Variants in F8 observed in about 807,000 individuals in gnomAD.
F8 encodes antihemophilic factor.
In F8, 12 loss-of-function variants were observed where a neutral mutation model predicts 140.6. The ratio of observed to expected loss-of-function variants is 0.09; its 90% CI spans 0.05 to 0.14. The LOEUF (loss-of-function observed/expected upper bound fraction) is 0.14, where lower values mean the gene tolerates loss of function less well. Ranked by LOEUF, F8 falls within the 10% of genes least tolerant of loss-of-function variation. The pLI is 1.00. For synonymous variants in F8, 585 were observed against 614.6 expected, an observed-to-expected ratio of 0.95 and a Z score of 0.71; for missense variants, 1,354 against 1,720.7, an observed-to-expected ratio of 0.79 and a Z score of 3.77.
At chrX:154,972,025 C>A (rs2073458778) in intron 6 of F8, among the ~76,000 whole-genome samples, 1 of 111,946 alleles carries the variant, frequency 8.9e-6, no homozygotes, top group Non-Finnish European at 1.9e-5. Flanking sequence ...GATTTCATTT[C>A]TTTTTGGTAT....
intron 14 of F8, chrX:154,919,820 G>T: frequency 3.6e-6 from 1 of 276,116 alleles, no homozygotes; most frequent in Non-Finnish European, 6.6e-6. Flanking sequence ...ATCAAGGAGT[G>T]ATGACCCACT....
rs370737113 is a variant in F8, at chrX:154,966,433, C to G, written c.1264G>C (p.Asp422His). 6.0e-5 allele frequency: 72 copies of G among 1,209,101 alleles called. No homozygotes were observed. In the South Asian group the frequency reaches 1.1e-3, roughly 19 times the overall value. The part of the protein sequence containing the change: ...WDYAPLVLAP[D>H]DRSYKSQYLN... ...TAGTCAAAAAGTGCTTACCTGTCAT[C>G]GGGGGCGAGGACTAAGGGAGCATAG... The change falls in exon 8 of 26, where the codon GAT becomes CAT. Residue 422 changes from aspartate (D) to histidine (H), a missense_variant. Asp to His is a moderately conservative substitution (Grantham distance 81). This residue lies in a region of F8 where 252 missense variants were observed against 338.5 expected (regional missense o/e 0.74). Transcript: ENST00000360256.
chrX:154,843,308 C>A (rs1383629390), intron 25 of F8, among the ~76,000 whole-genome samples: 10 of 111,731 alleles, frequency 9.0e-5, no homozygotes, highest in Non-Finnish European at 1.7e-4. Context: ...GGGTACATAC[C>A]CAGTAATGGG....
rs782587943 is a variant in F8, at chrX:154,931,360, C to A, written c.2430G>T (p.Leu810Phe). 1 of 1,210,922 alleles carries A rather than the reference C, an allele frequency of 8.3e-7. No homozygotes were observed. Among genetic ancestry groups the A allele is most frequent in the East Asian group, 3.0e-5 (1 of 33,834 alleles). ...KIQNVSSSDL[L>F]MLLRQSPTPH... is the part of the protein sequence containing the mutation. Reference sequence around the variant, plus strand: ...GAGTAGGACTCTGTCGCAAGAGCATCAACAAATCACTAGAGGAGACATTTT... The same window carrying A: ...GAGTAGGACTCTGTCGCAAGAGCATAAACAAATCACTAGAGGAGACATTTT... Residue 810 changes from leucine to phenylalanine, a missense_variant, in exon 14 of 26, where the codon TTG becomes TTT. By Grantham distance (22) the Leu-to-Phe change is conservative (BLOSUM62 0). This residue lies in a region of F8 where 658 missense variants were observed against 666.5 expected (regional missense o/e 0.99). Coordinates refer to ENST00000360256, the MANE Select transcript of F8 (RefSeq NM_000132.4).
intron 3 of F8, among the ~76,000 whole-genome samples, chrX:154,994,538 AT>A (rs1217621555): frequency 8.9e-6 from 1 of 112,333 alleles, no homozygotes; most frequent in Non-Finnish European, 1.9e-5. Context: ...TCTGACACTC[AT>A]TTGGTGAAAG....
intron 25 of F8, among the ~76,000 whole-genome samples, chrX:154,846,845 T>G (rs187481622): frequency 2.0e-3 from 221 of 112,070 alleles, no homozygotes; most frequent in Non-Finnish European, 3.6e-3. Context: ...GCTGGTTATT[T>G]TGCTCATTAG....
rs1200746025 is a variant in F8, at chrX:154,931,268, G to A, written c.2522C>T (p.Pro841Leu). Residue 841 changes from proline (P) to leucine (L), a missense_variant, in exon 14 of 26, where the codon CCT becomes CTT. Pro to Leu is a moderately conservative substitution (Grantham distance 98). Around this residue, in one of 4 missense-constraint regions of F8, gnomAD observed 658 missense variants for 666.5 expected, o/e 0.99. Transcript: ENST00000360256. ...GCTGTTATTACTGTCTATTGCTCCA[G>A]GTGATGGATCATCAGAAAAAGTCTC... ...KYETFSDDPS[P>L]GAIDSNNSLS... 8.3e-7 allele frequency: 1 copy of A among 1,209,511 alleles called. No individual in the cohort carries two copies. The highest frequency in any genetic ancestry group is 1.1e-6 in the Non-Finnish European group (1 of 894,937).
intron 1 of F8, among the ~76,000 whole-genome samples, chrX:155,017,017 G>A (rs1389031188): frequency 1.8e-5 from 2 of 112,278 alleles, no homozygotes; most frequent in Non-Finnish European, 3.8e-5. Flanking sequence ...TTGAGATGGG[G>A]AGAGTATTCT....
chrX:154,892,105 C>T (rs782613759), intron 22 of F8, among the ~76,000 whole-genome samples: 3 of 111,491 alleles, frequency 2.7e-5, no homozygotes, highest in South Asian at 3.8e-4. Flanking sequence ...TCCTTCCCAC[C>T]GGTACTCTTA....
chrX:154,880,761 C>T (rs1259350011), intron 22 of F8, among the ~76,000 whole-genome samples: 1 of 112,179 alleles, frequency 8.9e-6, no homozygotes, highest in Non-Finnish European at 1.9e-5. Flanking sequence ...ATTTAATGAA[C>T]TGTTCATCAA....
intron 13 of F8, among the ~76,000 whole-genome samples, chrX:154,937,129 A>C (rs1557279298): frequency 9.0e-6 from 1 of 111,663 alleles, no homozygotes; most frequent in African/African-American, 3.2e-5. Context: ...GAAATGTTGA[A>C]AATCAATGAA....
At chrX:154,839,579 G>A (rs782385873) in intron 25 of F8, among the ~76,000 whole-genome samples, 50 of 110,379 alleles carry the variant, frequency 4.5e-4, no homozygotes, top group African/African-American at 1.5e-3. Context: ...AGCCAGGATG[G>A]TCTTGATCTC....
At chrX:154,874,611 T>C (rs1296436292) in intron 22 of F8, among the ~76,000 whole-genome samples, 1 of 112,157 alleles carries the variant, frequency 8.9e-6, no homozygotes, top group Non-Finnish European at 1.9e-5. Context: ...CTCCCAACAC[T>C]GTCGCATTGG....
chrX:154,865,269 C>T, intron 22 of F8, among the ~76,000 whole-genome samples: 1 of 110,163 alleles, frequency 9.1e-6, no homozygotes, highest in Non-Finnish European at 1.9e-5. Context: ...AAGATAAAGC[C>T]TTTCTCAAAC....
chrX:154,906,871 A>G, intron 14 of F8, among the ~76,000 whole-genome samples: 1 of 112,784 alleles, frequency 8.9e-6, no homozygotes, highest in Non-Finnish European at 1.9e-5. Flanking sequence ...TACTCCAAAT[A>G]TAAGAGAGTC....
chrX:154,908,338 T>A (rs1403092534), intron 14 of F8, among the ~76,000 whole-genome samples: 4 of 112,589 alleles, frequency 3.6e-5, no homozygotes, highest in African/African-American at 1.3e-4. Flanking sequence ...TTGTTTTAAT[T>A]ATTATAGCTT....
intron 4 of F8, among the ~76,000 whole-genome samples, chrX:154,990,268 C>T (rs1356473680): frequency 1.2e-4 from 13 of 111,186 alleles, no homozygotes; most frequent in African/African-American, 4.3e-4. Context: ...CCTTACTTGC[C>T]TTCTTTTGAG....
intron 14 of F8, among the ~76,000 whole-genome samples, chrX:154,914,793 A>G (rs1557276974): frequency 9.0e-6 from 1 of 111,557 alleles, no homozygotes; most frequent in Non-Finnish European, 1.9e-5. Flanking sequence ...GGAAGTTCCA[A>G]ACATTGCCAC....
rs1201725027 is a variant in F8, at chrX:154,930,767, G to A, written c.3023C>T (p.Ala1008Val). 1 of 1,208,518 alleles carries A rather than the reference G, an allele frequency of 8.3e-7. No individual in the cohort carries two copies. Among genetic ancestry groups the A allele is most frequent in the Non-Finnish European group, 1.1e-6 (1 of 893,935 alleles). The change falls in exon 14 of 26, where the codon GCC (alanine) becomes GTC (valine). Residue 1008 changes from alanine to valine, a missense_variant. Coordinates refer to ENST00000360256, the MANE Select transcript of F8 (RefSeq NM_000132.4). ...HGPALLTKDN[A>V]LFKVSISLLK... ...CAAAGAGATGCTAACTTTGAATAAG[G>A]CATTATCTTTAGTCAACAAAGCAGG... is the stretch of plus-strand genomic sequence containing the variant.
Sources: gnomAD v4.1 joint callset for allele counts (sites outside exome capture counted in the v4.1 genomes callset) on GRCh38, gnomAD v4.1.1 for gene constraint, gnomAD v4.1.1 regional missense constraint, MANE v1.5 for transcripts, NCBI Gene and HGNC (gene_info 2026-07-23, HGNC 2026-07-21) for gene names.